KIAA1191: variants seen among roughly 807,000 people sequenced by gnomAD.
KIAA1191 encodes KIAA1191, also known as putative monooxygenase p33MONOX.
In KIAA1191, 22 loss-of-function variants were observed where a neutral mutation model predicts 31.1. The ratio of observed to expected loss-of-function variants is 0.71; its 90% CI spans 0.51 to 1.01. KIAA1191 has a LOEUF of 1.01. Ranked by LOEUF, KIAA1191 falls within the 50% of genes least tolerant of loss-of-function variation. KIAA1191 has a pLI of 0.00. For missense variants in KIAA1191, 319 were observed against 388.0 expected (o/e 0.82, Z 1.49); for synonymous variants, 130 against 143.9 (o/e 0.90, Z 0.69).
intron 4 of KIAA1191, 137 bp from the exon 5 acceptor site, chr5:176,352,885 G>T: frequency 1.1e-6 from 1 of 891,238 alleles, no homozygotes; most frequent in Non-Finnish European, 1.6e-6. Context: ...GGAGGAGTTG[G>T]TCATCTCCAC....
At chr5:176,349,406 G>A (rs1766797042) in intron 6 of KIAA1191, among the ~76,000 whole-genome samples, 1 of 152,176 alleles carries the variant, frequency 6.6e-6, no homozygotes, top group Non-Finnish European at 1.5e-5. Flanking sequence ...AGGGCCGGGT[G>A]CGGTGGCTCA....
rs59267692 is a variant in KIAA1191, at chr5:176,355,396, A to C, written c.207+175T>G. Among the ~76,000 whole-genome samples the C allele has an allele frequency of 0.075, 9,174 of 121,528 alleles. 372 individuals carry two copies. Among genetic ancestry groups the C allele is most frequent in the African/African-American group, 0.14 (4,697 of 33,812 alleles). 79.7% of individuals were successfully genotyped at this position (121,528 alleles called of 152,430 possible). ...AAAGCTACTGATTTTTTTTTTAACA[A>C]AATAAATAAAATCTTAAAAAAAAAA... On this transcript the variant is annotated intron_variant, in intron 4 of 8. Transcript: ENST00000298569. This position sits in a 1 kb window ranked among gnomAD's most constrained non-coding sequence, Gnocchi z 4.2.
chr5:176,352,621 C>G lies in KIAA1191; in HGVS notation c.334+1G>C. 6.2e-7 allele frequency: 1 copy of G among 1,613,334 alleles called. No individual in the cohort carries two copies. The highest frequency in any genetic ancestry group is 8.5e-7 in the Non-Finnish European group (1 of 1,179,532). ...CTACTCTGAGGGTGAAGAGTGCTTA[C>G]TTGTGATCAGAGAATTCATGATGAC... On this transcript the variant is annotated splice_donor_variant, in intron 5 of 8. Coordinates refer to ENST00000298569, the MANE Select transcript of KIAA1191 (RefSeq NM_020444.5). LOFTEE classifies it high-confidence loss of function.
In KIAA1191 at chr5:176,355,677, T is replaced by C; in HGVS notation, c.101A>G (p.Asp34Gly). Residue 34 changes from aspartate (D) to glycine (G), a missense_variant, in exon 4 of 9, where the codon GAT (aspartate) becomes GGT (glycine). Transcript: ENST00000298569. This position sits in a 1 kb window ranked among gnomAD's most constrained non-coding sequence, Gnocchi z 4.2. ...IGIYRRAVSYDDTLEDPAPMT... is the reference protein window; with the variant it reads ...IGIYRRAVSYGDTLEDPAPMT... ...GGGCGCAGGGTCCTCGAGGGTATCATCATAGCTGACTGCCCGGCGGTATAT... is the reference window on the plus strand; with the variant it reads ...GGGCGCAGGGTCCTCGAGGGTATCACCATAGCTGACTGCCCGGCGGTATAT... 1 of 1,613,530 alleles carries C rather than the reference T, an allele frequency of 6.2e-7. No individual in the cohort carries two copies.
rs1267483510 is a variant in KIAA1191, at chr5:176,346,525, C to CTA, written c.*1073_*1074dup. The CTA allele has an allele frequency of 6.6e-6, 1 of 152,236 alleles. No individual in the cohort carries two copies. Among genetic ancestry groups the CTA allele is most frequent in the African/African-American group, 2.4e-5 (1 of 41,464 alleles). The allele number at this position is 152,236 out of a possible 1,614,324, so 9.4% of individuals were successfully genotyped here. ...TTAAAAAAGTTTAATGTCCATTTAC[C>CTA]TATACCAAATCAGTAGACTTAATTT... On this transcript the variant is annotated 3_prime_UTR_variant, in exon 9 of 9. Transcript: ENST00000298569.
Position 176,361,654 on chromosome 5 carries a change from A to T in KIAA1191, c.-220T>A, listed in dbSNP as rs1042680996. On this transcript the variant is annotated 5_prime_UTR_variant, in exon 1 of 9. Transcript: ENST00000298569. The surrounding 1 kb of genome is among the most constrained non-coding windows in gnomAD (Gnocchi z 4.0). ...TGCGGCCCGGAGTCCGGCACTAAAA[A>T]GGTTCCGAGGGCCCACGTCTCCCGA... is the stretch of plus-strand genomic sequence containing the variant. The T allele has an allele frequency of 3.3e-5, 5 of 152,426 alleles. No individual in the cohort carries two copies. Among genetic ancestry groups the T allele is most frequent in the African/African-American group, 1.2e-4 (5 of 41,462 alleles). The allele number at this position is 152,426 out of a possible 1,614,324, so 9.4% of individuals were successfully genotyped here. A position where few individuals can be genotyped will look rare whatever the true frequency, so the allele number is the denominator to read the frequency against.
chr5:176,351,210 A>AGGG (rs1766968852), intron 5 of KIAA1191, among the ~76,000 whole-genome samples: 1 of 151,222 alleles, frequency 6.6e-6, no homozygotes, highest in South Asian at 2.1e-4. Context: ...GTGTGGTGGC[A>AGGG]GGCGCCTGTA....
At chr5:176,358,891 T>G (rs1466135379) in intron 3 of KIAA1191, among the ~76,000 whole-genome samples, 1 of 151,970 alleles carries the variant, frequency 6.6e-6, no homozygotes, top group African/African-American at 2.4e-5. Flanking sequence ...GAGACCATCC[T>G]GGCTAACACG....
At chr5:176,356,095 G>C in intron 3 of KIAA1191, 1 of 259,488 alleles carries the variant, frequency 3.9e-6, no homozygotes, top group Non-Finnish European at 7.4e-6. Context: ...CTAGCGAGTA[G>C]TTGGGATTCT....
At chr5:176,351,796 T>G (rs1374200827) in intron 5 of KIAA1191, among the ~76,000 whole-genome samples, 2 of 148,558 alleles carry the variant, frequency 1.3e-5, no homozygotes, top group Non-Finnish European at 3.0e-5. Context: ...AAAGTAAGAG[T>G]CTGGACCTTT....
In KIAA1191 at chr5:176,350,703, T is replaced by C. The variant is rs758927609; in HGVS notation, c.369A>G (p.Arg123=). Reference sequence around the variant, plus strand: ...AGCCAGCATCTCTCAGCCCTGCCTGTCGCTCAAAATGCTGAATGCTTTCCT... The same window carrying C: ...AGCCAGCATCTCTCAGCCCTGCCTGCCGCTCAAAATGCTGAATGCTTTCCT... The part of the protein sequence containing the change: ...QTQESIQHFE[R]QAGLRDAGYT... Residue 123 remains arginine, a synonymous_variant, in exon 6 of 9, where the codon CGA becomes CGG. Coordinates refer to ENST00000298569, the MANE Select transcript of KIAA1191 (RefSeq NM_020444.5). 2.5e-6 allele frequency: 4 copies of C among 1,614,162 alleles called. No individual in the cohort carries two copies. The highest frequency in any genetic ancestry group is 3.4e-6 in the Non-Finnish European group (4 of 1,180,030).
At chr5:176,350,460 A>G (rs1766889434) in intron 6 of KIAA1191, among the ~76,000 whole-genome samples, 153 bp downstream of exon 6, 1 of 152,222 alleles carries the variant, frequency 6.6e-6, no homozygotes, top group African/African-American at 2.4e-5. Context: ...CCCACTGTAT[A>G]GGTGGATAAG....
Position 176,355,599 on chromosome 5 carries a change from G to A in KIAA1191, c.179C>T (p.Pro60Leu). The A allele has an allele frequency of 6.2e-7, 1 of 1,611,712 alleles. No homozygotes were observed. The highest frequency in any genetic ancestry group is 8.5e-7 in the Non-Finnish European group (1 of 1,179,470). The change falls in exon 4 of 9, where the codon CCA (proline) becomes CTA (leucine). Residue 60 changes from proline (P) to leucine (L), a missense_variant. Pro to Leu is a moderately conservative substitution (Grantham distance 98). Transcript: ENST00000298569. This position sits in a 1 kb window ranked among gnomAD's most constrained non-coding sequence, Gnocchi z 4.2. ...GGCGAGGTGCTGATACTTGCGCTCTGGAATCACTGGCTTCCAAGGGACGCT... is the reference window on the plus strand; with the variant it reads ...GGCGAGGTGCTGATACTTGCGCTCTAGAATCACTGGCTTCCAAGGGACGCT... ...MGSVPWKPVI[P>L]ERKYQHLAKV...
chr5:176,355,382 T>C lies in KIAA1191; in HGVS notation c.207+189A>G, dbSNP rs1767415719. Among the ~76,000 whole-genome samples the C allele has an allele frequency of 6.9e-6, 1 of 144,734 alleles. No homozygotes were observed. The highest frequency in any genetic ancestry group is 2.3e-4 in the South Asian group (1 of 4,416). The allele number at this position is 144,734 out of a possible 152,430, so 95.0% of individuals were successfully genotyped here. ...CCTCGGGTAACCCTAAAGCTACTGA[T>C]TTTTTTTTTAACAAAATAAATAAAA... On this transcript the variant is annotated intron_variant, in intron 4 of 8. Coordinates refer to ENST00000298569, the MANE Select transcript of KIAA1191 (RefSeq NM_020444.5). The surrounding 1 kb of genome is among the most constrained non-coding windows in gnomAD (Gnocchi z 4.2).
rs1767426818 is a variant in KIAA1191, at chr5:176,355,467, G to T, written c.207+104C>A. 1 of 991,048 alleles carries T rather than the reference G, an allele frequency of 1.0e-6. No individual in the cohort carries two copies. Among genetic ancestry groups the T allele is most frequent in the South Asian group, 1.6e-5 (1 of 61,462 alleles). The allele number at this position is 991,048 out of a possible 1,614,324, so 61.4% of individuals were successfully genotyped here. On this transcript the variant is annotated intron_variant, in intron 4 of 8. Coordinates refer to ENST00000298569, the MANE Select transcript of KIAA1191 (RefSeq NM_020444.5). This position sits in a 1 kb window ranked among gnomAD's most constrained non-coding sequence, Gnocchi z 4.2. Reference sequence around the variant, plus strand: ...GCACAGAAAACACATACAGGGAGTGGTTGCTGCCCAGTCCCATGGGCACAG... The same window carrying T: ...GCACAGAAAACACATACAGGGAGTGTTTGCTGCCCAGTCCCATGGGCACAG...
intron 3 of KIAA1191, among the ~76,000 whole-genome samples, chr5:176,356,487 T>C (rs1220734173): frequency 6.6e-6 from 1 of 152,148 alleles, no homozygotes; most frequent in Non-Finnish European, 1.5e-5. Flanking sequence ...CTAACAGAAA[T>C]GTTTGTGGCA....
chr5:176,348,675 C>T (rs1382384656), intron 6 of KIAA1191, among the ~76,000 whole-genome samples: 1 of 151,848 alleles, frequency 6.6e-6, no homozygotes, highest in Non-Finnish European at 1.5e-5. Context: ...AGAGCCAGAA[C>T]GCTAGCTGCC....
In KIAA1191 at chr5:176,355,650, A is replaced by T. The variant is rs779917826; in HGVS notation, c.128T>A (p.Met43Lys). The T allele has an allele frequency of 3.7e-6, 6 of 1,613,066 alleles. No homozygotes were observed. Among genetic ancestry groups the T allele is most frequent in the Non-Finnish European group, 4.2e-6 (5 of 1,180,012 alleles). ...GCCCATGTCCGATGGAGGAGGAGTC[A>T]TGGGCGCAGGGTCCTCGAGGGTATC... ...YDDTLEDPAP[M>K]TPPPSDMGSV... is the part of the protein sequence containing the mutation. Residue 43 changes from methionine (M) to lysine (K), a missense_variant, in exon 4 of 9, where the codon ATG (methionine) becomes AAG (lysine). Coordinates refer to ENST00000298569, the MANE Select transcript of KIAA1191 (RefSeq NM_020444.5). The surrounding 1 kb of genome is among the most constrained non-coding windows in gnomAD (Gnocchi z 4.2).
rs960291316 is a variant in KIAA1191 at position 176,350,838 on chromosome 5, C to A, written c.335-101G>T. ...ACTATTCTCCCCAGAAGCAAGAGACCACACTGACCATTCAAAGAAGAGGAG... is the reference window on the plus strand; with the variant it reads ...ACTATTCTCCCCAGAAGCAAGAGACAACACTGACCATTCAAAGAAGAGGAG... On this transcript the variant is annotated intron_variant, in intron 5 of 8. Transcript: ENST00000298569. 3 of 1,386,906 alleles carry A rather than the reference C, an allele frequency of 2.2e-6. No homozygotes were observed. In the Admixed American group the frequency reaches 6.5e-5, roughly 30 times the overall value. The allele number at this position is 1,386,906 out of a possible 1,614,324, so 85.9% of individuals were successfully genotyped here.
Sources: gnomAD v4.1 joint callset for allele counts (sites outside exome capture counted in the v4.1 genomes callset) on GRCh38, gnomAD v4.1.1 for gene constraint, Gnocchi (gnomAD v3.1) non-coding constraint, MANE v1.5 for transcripts, NCBI Gene and HGNC (gene_info 2026-07-23, HGNC 2026-07-21) for gene names.